The following LIMS2 variants were observed in gnomAD, a reference collection of about 807,000 sequenced individuals.
LIMS2 encodes the protein LIM and senescent cell antigen-like-containing domain protein 2.
LIMS2 carries 30 observed loss-of-function variants against 45.3 expected under a neutral mutation model. The ratio of observed to expected loss-of-function variants is 0.66; its 90% CI spans 0.50 to 0.90. LIMS2 has a LOEUF of 0.90. LIMS2 is among the 40% of genes least tolerant of loss of function. The pLI, the probability that LIMS2 is intolerant of heterozygous loss-of-function variation, is 0.00. For missense variants in LIMS2, 485 were observed against 468.7 expected (o/e 1.03, Z -0.32); for synonymous variants, 173 against 188.0 (o/e 0.92, Z 0.65).
intron 1 of LIMS2, among the ~76,000 whole-genome samples, chr2:127,658,426 G>C (rs1470712101): frequency 3.3e-5 from 5 of 152,164 alleles, no homozygotes; most frequent in Admixed American, 6.5e-5. Flanking sequence ...ATGAATCTTT[G>C]AGACGAGACG....
rs1476186407 is a variant in LIMS2, at chr2:127,657,413, A to G, written c.161T>C (p.Leu54Pro). 1.2e-6 allele frequency: 2 copies of G among 1,613,814 alleles called. No individual in the cohort carries two copies. Among genetic ancestry groups the G allele is most frequent in the Non-Finnish European group, 1.7e-6 (2 of 1,179,976 alleles). ...CAGTAGTGTCCTCACCTCATAGAAG[A>G]GCCCCTCGGGGAAGGGCCGGAAGCA... ...AQCFRPFPEG[L>P]FYEFEGRKYC... Residue 54 changes from leucine to proline, a missense_variant, in exon 2 of 10, where the codon CTC becomes CCC. Coordinates refer to ENST00000355119, the MANE Select transcript of LIMS2 (RefSeq NM_001161403.3).
At chr2:127,674,776 GGGC>G in intron 1 of LIMS2, 1 of 985,420 alleles carries the variant, frequency 1.0e-6, no homozygotes, top group Non-Finnish European at 1.2e-6. Flanking sequence ...ATCTTGCAGC[GGGC>G]GGGTGGGCAG....
chr2:127,651,815 G>A (rs535199334), intron 4 of LIMS2: 1 of 1,507,196 alleles, frequency 6.6e-7, no homozygotes, highest in Non-Finnish European at 9.1e-7. Flanking sequence ...CCCAGCAAGA[G>A]GCATCTGCCC....
rs762029827 is a variant in LIMS2, at chr2:127,640,975, G to A, written c.674C>T (p.Ala225Val). ...KQWHVEHFVC[A>V]KCEKPFLGHR... ...CCCCAGGAATGGCTTCTCACACTTG[G>A]CACAGACAAAGTGCTGCAAGGACAA... The change falls in exon 7 of 10, where the codon GCC becomes GTC. Residue 225 changes from alanine to valine, a missense_variant. By Grantham distance (64) the Ala-to-Val change is moderately conservative. Coordinates refer to ENST00000355119, the MANE Select transcript of LIMS2 (RefSeq NM_001161403.3). 2.5e-6 allele frequency: 4 copies of A among 1,613,694 alleles called. No individual in the cohort carries two copies. Among genetic ancestry groups the A allele is most frequent in the Admixed American group, 3.3e-5 (2 of 59,998 alleles).
chr2:127,662,682 T>C (rs980942484), intron 1 of LIMS2, among the ~76,000 whole-genome samples: 3 of 149,690 alleles, frequency 2.0e-5, no homozygotes, highest in Admixed American at 1.3e-4. Context: ...TTAGGAGATA[T>C]ACCTAATGCT....
intron 1 of LIMS2, among the ~76,000 whole-genome samples, chr2:127,659,155 C>A (rs941363167): frequency 6.6e-5 from 10 of 152,208 alleles, no homozygotes; most frequent in Admixed American, 5.9e-4. Flanking sequence ...TTGAAAGGGG[C>A]ACCCAGGCTG....
At chr2:127,662,620 A>T (rs1462249356) in intron 1 of LIMS2, among the ~76,000 whole-genome samples, 1 of 106,000 alleles carries the variant, frequency 9.4e-6, no homozygotes, top group Non-Finnish European at 1.8e-5. Context: ...CACACACCAG[A>T]GGCTCTTGTG....
Position 127,654,939 on chromosome 2 carries a change from AT to A in LIMS2, c.172-44del, listed in dbSNP as rs1178412409. The A allele has an allele frequency of 4.4e-6, 7 of 1,578,470 alleles. No homozygotes were observed. The South Asian group carries it at 7.9e-5, about 18-fold the overall frequency. ...AGAGAGGACAAGCAAACCACCTATC[AT>A]CCCCATGAGCAGCCCAGGCCCTTGT... On this transcript the variant is annotated intron_variant, in intron 2 of 9. Transcript: ENST00000355119.
chr2:127,648,525 G>A lies in LIMS2; in HGVS notation c.360-5453C>T, dbSNP rs60182867. ...TGAGGATGGCTCCAGCCTCCTCCTC[G>A]AGGGGCTGCTGTGTCCATGAACAGT... is the stretch of plus-strand genomic sequence containing the variant. On this transcript the variant is annotated intron_variant, in intron 4 of 9. Coordinates refer to ENST00000355119, the MANE Select transcript of LIMS2 (RefSeq NM_001161403.3). 6.5e-3 allele frequency among the ~76,000 whole-genome samples: 996 copies of A among 152,172 alleles called. 11 individuals are homozygous for A. Among genetic ancestry groups the A allele is most frequent in the African/African-American group, 0.023 (945 of 41,502 alleles).
intron 4 of LIMS2, chr2:127,650,713 C>A: frequency 6.3e-7 from 1 of 1,597,514 alleles, no homozygotes. Flanking sequence ...TTGTTCCCTC[C>A]AGGCTCTGAC....
At position 127,642,139 on chromosome 2, in the gene LIMS2, A is replaced by G. The variant is rs760487420; in HGVS notation, c.570T>C (p.His190=). ...LKGELYCLPC[H]DKMGVPICGA... ...CGCAGATGGGGACGCCCATCTTGTC[A>G]TGGCAGGGCAGGCAGTAGAGCTCAC... The change falls in exon 6 of 10, where the codon CAT becomes CAC. Residue 190 remains histidine, a synonymous_variant. Coordinates refer to ENST00000355119, the MANE Select transcript of LIMS2 (RefSeq NM_001161403.3). This position sits in a 1 kb window ranked among gnomAD's most constrained non-coding sequence, Gnocchi z 5.3. 30 of 1,601,836 alleles carry G rather than the reference A, an allele frequency of 1.9e-5. No homozygotes were observed. The highest frequency in any genetic ancestry group is 3.4e-5 in the Admixed American group (2 of 59,058).
chr2:127,665,697 T>C (rs1265130337), intron 1 of LIMS2, among the ~76,000 whole-genome samples: 2 of 152,196 alleles, frequency 1.3e-5, no homozygotes, highest in Non-Finnish European at 2.9e-5. Flanking sequence ...AAAATGTTCT[T>C]AACAGCAGCT....
chr2:127,640,444 GC>G, intron 7 of LIMS2, 126 bp from the exon 8 acceptor site: 1 of 1,042,994 alleles, frequency 9.6e-7, no homozygotes, highest in Non-Finnish European at 1.4e-6. Flanking sequence ...GCCTCCCAGG[GC>G]CCAGCTGCAA....
intron 6 of LIMS2, 36 bp from the exon 7 acceptor site, chr2:127,641,024 G>A (rs780926674): frequency 6.3e-7 from 1 of 1,578,216 alleles, no homozygotes; most frequent in Non-Finnish European, 8.7e-7. Flanking sequence ...TGGCATCAGG[G>A]CTAGAGCGGT....
chr2:127,643,372 T>C (rs1488674627), intron 4 of LIMS2: 1 of 511,348 alleles, frequency 2.0e-6, no homozygotes, highest in Non-Finnish European at 3.8e-6. Flanking sequence ...CAGAATACAG[T>C]AGACATTTAA....
chr2:127,660,968 C>T (rs1684606311), intron 1 of LIMS2, among the ~76,000 whole-genome samples: 1 of 152,200 alleles, frequency 6.6e-6, no homozygotes, highest in Non-Finnish European at 1.5e-5. Context: ...CCTTCCTGTG[C>T]CCAGGGGCTG....
upstream of LIMS2, among the ~76,000 whole-genome samples, chr2:127,676,196 C>T (rs1415939547): frequency 1.3e-5 from 2 of 152,310 alleles, no homozygotes; most frequent in South Asian, 4.1e-4. Context: ...GGGAGCTGGG[C>T]GGCCTGATGT....
chr2:127,642,291 G>A lies in LIMS2; in HGVS notation c.510-92C>T. 2 of 1,381,194 alleles carry A rather than the reference G, an allele frequency of 1.4e-6. No individual in the cohort carries two copies. Among genetic ancestry groups the A allele is most frequent in the South Asian group, 3.0e-5 (2 of 65,874 alleles). The allele number at this position is 1,381,194 out of a possible 1,614,324, so 85.6% of individuals were successfully genotyped here. ...TCCACCCCAGGGCACGGCTCCCCGAGGGGCCCATTCTGTCCCTGCAGAGCC... is the reference window on the plus strand; with the variant it reads ...TCCACCCCAGGGCACGGCTCCCCGAAGGGCCCATTCTGTCCCTGCAGAGCC... On this transcript the variant is annotated intron_variant, in intron 5 of 9. Coordinates refer to ENST00000355119, the MANE Select transcript of LIMS2 (RefSeq NM_001161403.3). The surrounding 1 kb of genome is among the most constrained non-coding windows in gnomAD (Gnocchi z 5.3).
rs998694236 is a variant in LIMS2 at position 127,672,113 on chromosome 2, C to T, written c.11+2901G>A. On this transcript the variant is annotated intron_variant, in intron 1 of 9. Transcript: ENST00000355119. The surrounding 1 kb of genome is among the most constrained non-coding windows in gnomAD (Gnocchi z 4.9). ...GACGGTCACACCATGGGTGGGACTC[C>T]ACTTTATGCAGCCAAGCCACTGAGC... 7.9e-5 allele frequency among the ~76,000 whole-genome samples: 12 copies of T among 152,328 alleles called. No individual in the cohort carries two copies. Among genetic ancestry groups the T allele is most frequent in the African/African-American group, 2.9e-4 (12 of 41,580 alleles).
Sources: gnomAD v4.1 joint callset for allele counts (sites outside exome capture counted in the v4.1 genomes callset) on GRCh38, gnomAD v4.1.1 for gene constraint, Gnocchi (gnomAD v3.1) non-coding constraint, MANE v1.5 for transcripts, NCBI Gene and HGNC (gene_info 2026-07-23, HGNC 2026-07-21) for gene names.